TBC1D5: variants seen among roughly 807,000 people sequenced by gnomAD.
TBC1D5 encodes TBC1 domain family member 5, also known as TBC1 domain family, member 5.
A neutral mutation model predicts 100.3 loss-of-function variants in TBC1D5; 75 were observed. The ratio of observed to expected loss-of-function variants is 0.75; its 90% confidence interval spans 0.62 to 0.91. The LOEUF is 0.91. Ranked by LOEUF, TBC1D5 falls within the 40% of genes least tolerant of loss-of-function variation. The pLI is 0.00. For synonymous variants in TBC1D5, 323 were observed against 325.6 expected (o/e 0.99, Z 0.09); for missense variants, 910 against 942.4 (o/e 0.97, Z 0.45).
At chr3:17,544,736 G>C (rs1380164112) in intron 2 of TBC1D5, among the ~76,000 whole-genome samples, 4 of 151,480 alleles carry the variant, frequency 2.6e-5, no homozygotes, top group Non-Finnish European at 5.9e-5. Flanking sequence ...CAAACATGGT[G>C]AAATAAAGGA....
intron 2 of TBC1D5, among the ~76,000 whole-genome samples, chr3:17,594,405 G>A (rs905840399): frequency 1.3e-5 from 2 of 152,108 alleles, no homozygotes; most frequent in African/African-American, 2.4e-5. Flanking sequence ...CACTCCACCA[G>A]GAAAAAAACC....
At chr3:17,642,692 G>C (rs1007475612) in intron 1 of TBC1D5, among the ~76,000 whole-genome samples, 10 of 152,118 alleles carry the variant, frequency 6.6e-5, no homozygotes, top group African/African-American at 2.2e-4. Context: ...AGCAACAAGT[G>C]CTGAGTCTAT....
intron 16 of TBC1D5, among the ~76,000 whole-genome samples, chr3:17,246,770 G>A (rs1449544174): frequency 1.3e-5 from 2 of 152,140 alleles, no homozygotes; most frequent in African/African-American, 4.8e-5. Flanking sequence ...AATACAAATG[G>A]TAGAACCACA....
At chr3:17,500,215 T>C (rs1312949438) in intron 3 of TBC1D5, among the ~76,000 whole-genome samples, 1 of 149,478 alleles carries the variant, frequency 6.7e-6, no homozygotes, top group African/African-American at 2.5e-5. Context: ...ATGGAAGATT[T>C]TGAATAAAAC....
At chr3:17,400,601 G>A (rs757169833) in intron 8 of TBC1D5, among the ~76,000 whole-genome samples, 18 of 152,076 alleles carry the variant, frequency 1.2e-4, no homozygotes, top group Admixed American at 2.0e-4. Flanking sequence ...ACTGAGGGAT[G>A]CAAAGTATTG....
At chr3:17,657,638 C>G (rs563045835) in intron 1 of TBC1D5, among the ~76,000 whole-genome samples, 42 of 152,194 alleles carry the variant, frequency 2.8e-4, no homozygotes, top group African/African-American at 9.9e-4. Flanking sequence ...TCCGGCCGGA[C>G]AAATTCTTTC....
chr3:17,263,210 T>A (rs544840283), intron 15 of TBC1D5, among the ~76,000 whole-genome samples: 1 of 150,952 alleles, frequency 6.6e-6, no homozygotes, highest in South Asian at 2.1e-4. Context: ...TCTTAAAAGG[T>A]AAGACAGCCG....
At chr3:17,293,322 G>T (rs1575166414) in intron 14 of TBC1D5, among the ~76,000 whole-genome samples, 1 of 152,244 alleles carries the variant, frequency 6.6e-6, no homozygotes. Context: ...TTGAGATCTA[G>T]CAAGTAATTA....
At chr3:17,249,802 A>G (rs2596641) in intron 16 of TBC1D5, among the ~76,000 whole-genome samples, 75,235 of 152,098 alleles carry the variant, frequency 0.49, 19,420 homozygotes, top group African/African-American at 0.63. Flanking sequence ...TGAGGAAAGA[A>G]CCAGTTGGTG....
At chr3:17,585,000 A>G (rs1392759220) in intron 2 of TBC1D5, among the ~76,000 whole-genome samples, 2 of 152,078 alleles carry the variant, frequency 1.3e-5, no homozygotes, top group Non-Finnish European at 2.9e-5. Flanking sequence ...TATGTTGCCT[A>G]GACTGGTCTC....
chr3:17,503,412 A>G (rs768331884), intron 3 of TBC1D5, among the ~76,000 whole-genome samples: 5 of 149,382 alleles, frequency 3.3e-5, no homozygotes, highest in African/African-American at 5.1e-5. Context: ...TTTATTGATC[A>G]TTTACTTCTC....
chr3:17,609,209 T>A (rs151171935), intron 2 of TBC1D5, among the ~76,000 whole-genome samples: 1 of 152,354 alleles, frequency 6.6e-6, no homozygotes, highest in Non-Finnish European at 1.5e-5. Context: ...TTTTTCAAAG[T>A]CTAGCAAAAT....
At chr3:17,295,898 T>A (rs1575177460) in intron 14 of TBC1D5, among the ~76,000 whole-genome samples, 1 of 152,160 alleles carries the variant, frequency 6.6e-6, no homozygotes, top group East Asian at 1.9e-4. Context: ...GAAAGCATTA[T>A]CATTGACTCT....
At chr3:17,459,675 A>G (rs2095164675) in intron 3 of TBC1D5, among the ~76,000 whole-genome samples, 1 of 151,874 alleles carries the variant, frequency 6.6e-6, no homozygotes, top group African/African-American at 2.4e-5. Flanking sequence ...AAATGGGAGG[A>G]CTGCCTGAGC....
intron 1 of TBC1D5, among the ~76,000 whole-genome samples, chr3:17,708,004 A>G (rs941376684): frequency 3.3e-5 from 5 of 152,160 alleles, no homozygotes; most frequent in Non-Finnish European, 5.9e-5. Context: ...ATATGAAACC[A>G]TATTTGGTTC....
intron 17 of TBC1D5, among the ~76,000 whole-genome samples, chr3:17,226,812 C>T (rs948482031): frequency 6.6e-6 from 1 of 152,124 alleles, no homozygotes; most frequent in Admixed American, 6.5e-5. Context: ...GAATTTCTGA[C>T]CCATGACATT....
chr3:17,185,730 C>T (rs1318089082), intron 18 of TBC1D5, among the ~76,000 whole-genome samples: 1 of 151,872 alleles, frequency 6.6e-6, no homozygotes, highest in Non-Finnish European at 1.5e-5. Flanking sequence ...AAAGACATAG[C>T]TCATCATTTT....
intron 2 of TBC1D5, among the ~76,000 whole-genome samples, chr3:17,529,872 T>C (rs1022174449): frequency 2.2e-4 from 33 of 152,104 alleles, no homozygotes; most frequent in African/African-American, 7.2e-4. Flanking sequence ...CACAATGACA[T>C]GTCATAAATC....
chr3:17,701,611 G>A (rs1255602689), intron 1 of TBC1D5, among the ~76,000 whole-genome samples: 1 of 151,764 alleles, frequency 6.6e-6, no homozygotes, highest in Admixed American at 6.6e-5. Flanking sequence ...CTCCAATCTG[G>A]GCAACAAAAA....
Sources: allele counts gnomAD v4.1 joint callset (sites outside exome capture counted in the v4.1 genomes callset), GRCh38; gene constraint gnomAD v4.1.1; transcripts MANE v1.5; gene names NCBI Gene and HGNC (gene_info 2026-07-23, HGNC 2026-07-21).